The following LARP4B variants were observed in gnomAD, a reference collection of about 807,000 sequenced individuals.
LARP4B encodes la-related protein 4B.
In LARP4B, 12 loss-of-function variants were observed where a neutral mutation model predicts 89.8. The ratio of observed to expected loss-of-function variants is 0.13; its 90% CI spans 0.09 to 0.22. LARP4B has a LOEUF of 0.22. LARP4B is among the 10% of genes least tolerant of loss of function. LARP4B has a pLI of 1.00. For synonymous variants in LARP4B, 367 were observed against 363.3 expected (o/e 1.01, Z -0.12); for missense variants, 757 against 947.7 (o/e 0.80, Z 2.64).
chr10:912,989 GA>G (rs1020858600), intron 1 of LARP4B, among the ~76,000 whole-genome samples: 4 of 152,128 alleles, frequency 2.6e-5, no homozygotes, highest in African/African-American at 9.7e-5. Flanking sequence ...CTTTTACAAT[GA>G]AAAAAACATT....
the LARP4B span, among the ~76,000 whole-genome samples, chr10:940,312 C>T: frequency 7.9e-5 from 12 of 152,038 alleles, no homozygotes; most frequent in East Asian, 3.9e-4. Context: ...CCACCATGCG[C>T]GGGCTTAATT....
chr10:827,721 ACTG>A (rs1156954403), intron 11 of LARP4B, among the ~76,000 whole-genome samples: 1 of 152,144 alleles, frequency 6.6e-6, no homozygotes, highest in Non-Finnish European at 1.5e-5. Context: ...GGAAGAAGCA[ACTG>A]CTGCAGGAAG....
intron 1 of LARP4B, among the ~76,000 whole-genome samples, chr10:891,292 C>G (rs141505270): frequency 6.6e-6 from 1 of 152,034 alleles, no homozygotes; most frequent in South Asian, 2.1e-4. Context: ...CAAAAGGAGA[C>G]GTAAGACACA....
the LARP4B span, chr10:987,651 T>G: frequency 1.3e-5 from 2 of 152,200 alleles, no homozygotes; most frequent in African/African-American, 4.8e-5. Context: ...ACGTTTAATT[T>G]AAGGGATGTG....
At chr10:980,002 C>T in the LARP4B span, among the ~76,000 whole-genome samples, 1 of 152,174 alleles carries the variant, frequency 6.6e-6, no homozygotes, top group African/African-American at 2.4e-5. Flanking sequence ...ATATAGGCAG[C>T]ATTGGGTAAA....
At chr10:945,649 C>T in the LARP4B span, among the ~76,000 whole-genome samples, 3 of 150,700 alleles carry the variant, frequency 2.0e-5, no homozygotes, top group East Asian at 5.8e-4. Context: ...GATCACGCCA[C>T]TGCACTCCAG....
At chr10:954,592 G>A in the LARP4B span, among the ~76,000 whole-genome samples, 1 of 152,118 alleles carries the variant, frequency 6.6e-6, no homozygotes, top group Non-Finnish European at 1.5e-5. This position sits in a 1 kb window ranked among gnomAD's most constrained non-coding sequence, Gnocchi z 5.0. Flanking sequence ...CAGCTGCTGC[G>A]TGGAGTCACG....
At chr10:980,620 C>G in the LARP4B span, among the ~76,000 whole-genome samples, 15 of 152,202 alleles carry the variant, frequency 9.9e-5, no homozygotes, top group African/African-American at 3.4e-4. Context: ...CTTTGAACCA[C>G]GGCTGCAGCT....
chr10:847,016 C>T (rs992459019), intron 5 of LARP4B, among the ~76,000 whole-genome samples: 1 of 152,080 alleles, frequency 6.6e-6, no homozygotes, highest in Non-Finnish European at 1.5e-5. Context: ...TCTGGCTGCA[C>T]CAGGGTCATT....
chr10:863,507 G>GC (rs1421322844), intron 5 of LARP4B, among the ~76,000 whole-genome samples: 1 of 152,134 alleles, frequency 6.6e-6, no homozygotes, highest in Non-Finnish European at 1.5e-5. Flanking sequence ...GGGATGACAG[G>GC]CGTGAGCCCC....
intron 7 of LARP4B, among the ~76,000 whole-genome samples, chr10:837,656 G>C (rs1456387905): frequency 6.6e-6 from 1 of 152,158 alleles, no homozygotes; most frequent in Non-Finnish European, 1.5e-5. Context: ...CCACGTGCAC[G>C]GGCAGTCAAT....
the LARP4B span, among the ~76,000 whole-genome samples, chr10:968,381 T>C: frequency 6.6e-6 from 1 of 152,182 alleles, no homozygotes; most frequent in Non-Finnish European, 1.5e-5. Context: ...CCAAAGAATG[T>C]TTTTCTACTT....
upstream of LARP4B, among the ~76,000 whole-genome samples, chr10:935,518 G>A (rs150863966): frequency 9.8e-3 from 1,497 of 152,186 alleles, 21 homozygotes; most frequent in African/African-American, 0.032. Flanking sequence ...GCTCTGTTGA[G>A]CTACATCACA....
At chr10:929,198 C>A (rs915608929) in intron 1 of LARP4B, among the ~76,000 whole-genome samples, 1 of 151,992 alleles carries the variant, frequency 6.6e-6, no homozygotes, top group African/African-American at 2.4e-5. Context: ...GTTTTCTCTG[C>A]CCAGATACAT....
chr10:824,064 G>A lies in LARP4B; in HGVS notation c.1484+1001C>T, dbSNP rs138467565. Among the ~76,000 whole-genome samples, 31 of 152,308 alleles carry A rather than the reference G, an allele frequency of 2.0e-4. No individual in the cohort carries two copies. In the East Asian group the frequency reaches 2.3e-3, roughly 11 times the overall value. On this transcript the variant is annotated intron_variant, in intron 13 of 17. Coordinates refer to ENST00000316157, the MANE Select transcript of LARP4B (RefSeq NM_015155.3). Reference sequence around the variant, plus strand: ...GGCAGGCAGGAAGAGGAGCTTGCACGTCAGGGATGGTGCTGTACACATTGT... The same window carrying A: ...GGCAGGCAGGAAGAGGAGCTTGCACATCAGGGATGGTGCTGTACACATTGT...
At chr10:839,271 A>AT (rs1168804632) in intron 7 of LARP4B, among the ~76,000 whole-genome samples, 1 of 152,232 alleles carries the variant, frequency 6.6e-6, no homozygotes, top group African/African-American at 2.4e-5. Flanking sequence ...GGTGACAATG[A>AT]TGTGTCAGTG....
At chr10:815,280 A>C (rs111694108) in intron 15 of LARP4B, 3 of 413,110 alleles carry the variant, frequency 7.3e-6, no homozygotes, top group Non-Finnish European at 1.3e-5. Flanking sequence ...CAAATGCCCC[A>C]CTGTTCTTAC....
At chr10:981,873 G>A in the LARP4B span, among the ~76,000 whole-genome samples, 1 of 152,062 alleles carries the variant, frequency 6.6e-6, no homozygotes, top group Non-Finnish European at 1.5e-5. Context: ...GCCATGTACT[G>A]TTTTCAATGA....
chr10:906,166 T>C (rs1836486600), intron 1 of LARP4B, among the ~76,000 whole-genome samples: 1 of 152,220 alleles, frequency 6.6e-6, no homozygotes, highest in Non-Finnish European at 1.5e-5. Flanking sequence ...AAGATCTTCA[T>C]TGTTTTTTAA....
Sources: gnomAD v4.1 joint callset for allele counts (sites outside exome capture counted in the v4.1 genomes callset) on GRCh38, gnomAD v4.1.1 for gene constraint, Gnocchi (gnomAD v3.1) non-coding constraint, MANE v1.5 for transcripts, NCBI Gene and HGNC (gene_info 2026-07-23, HGNC 2026-07-21) for gene names.